The following ZBTB20 variants were observed in gnomAD, a reference collection of about 807,000 sequenced individuals.
ZBTB20 encodes the protein zinc finger and BTB domain containing 20, also known as zinc finger and BTB domain-containing protein 20.
In ZBTB20, 9 loss-of-function variants were observed where a neutral mutation model predicts 56.9. The observed-to-expected ratio is 0.16, with a 90% CI of 0.10 to 0.28. The LOEUF (loss-of-function observed/expected upper bound fraction) is 0.28. ZBTB20 is among the 10% of genes least tolerant of loss of function. The pLI is 1.00. For synonymous variants in ZBTB20, 417 were observed against 420.7 expected (o/e 0.99, Z 0.11); for missense variants, 655 against 1,003.0 (o/e 0.65, Z 4.69).
intron 5 of ZBTB20, among the ~76,000 whole-genome samples, chr3:114,712,132 C>T (rs2108443659): frequency 6.6e-6 from 1 of 152,198 alleles, no homozygotes; most frequent in East Asian, 1.9e-4. Context: ...GAAAATCATG[C>T]CAGCTAACAT....
At chr3:114,626,104 A>G (rs191132310) in intron 6 of ZBTB20, among the ~76,000 whole-genome samples, 2 of 152,226 alleles carry the variant, frequency 1.3e-5, no homozygotes, top group Non-Finnish European at 2.9e-5. Flanking sequence ...GAACACGAGT[A>G]AAATATTTCT....
intron 6 of ZBTB20, among the ~76,000 whole-genome samples, chr3:114,579,822 A>T (rs1293358646): frequency 2.0e-5 from 3 of 151,466 alleles, no homozygotes; most frequent in African/African-American, 4.8e-5. Context: ...AACTGTATTT[A>T]AAAAAAATAA....
intron 5 of ZBTB20, among the ~76,000 whole-genome samples, chr3:114,789,654 T>A (rs2070796320): frequency 1.3e-5 from 2 of 151,872 alleles, no homozygotes; most frequent in South Asian, 4.2e-4. Context: ...TAGCAAAAGA[T>A]CCACTCAAGC....
At chr3:114,594,353 G>A (rs766321208) in intron 6 of ZBTB20, among the ~76,000 whole-genome samples, 1 of 146,542 alleles carries the variant, frequency 6.8e-6, no homozygotes, top group African/African-American at 2.5e-5. Context: ...TGCAACCTCC[G>A]CCGCCCGGGT....
Position 114,973,759 on chromosome 3 carries a change from A to G in ZBTB20, c.-456+607T>C, listed in dbSNP as rs113189127. On this transcript the variant is annotated intron_variant, in intron 3 of 11. Transcript: ENST00000675478. ...TGGAAAATCTAACCATGCATGTAAG[A>G]AGAAAAGTAATTACAGCCCCCTCTT... Among the ~76,000 whole-genome samples the G allele has an allele frequency of 4.2e-3, 635 of 152,220 alleles. 6 individuals carry two copies. The highest frequency in any genetic ancestry group is 0.014 in the African/African-American group (593 of 41,538).
chr3:114,642,312 TCTTTTAAAATGCA>T (rs1297962248), intron 6 of ZBTB20, among the ~76,000 whole-genome samples: 1 of 152,044 alleles, frequency 6.6e-6, no homozygotes, highest in East Asian at 1.9e-4. Context: ...AACAAGCCCC[TCTTTTAAAATGCA>T]AATTTGCCTT....
intron 5 of ZBTB20, among the ~76,000 whole-genome samples, chr3:114,790,583 C>T (rs1309877853): frequency 6.6e-6 from 1 of 151,442 alleles, no homozygotes; most frequent in Non-Finnish European, 1.5e-5. Context: ...TTCAAGAAAT[C>T]AGTATACTTT....
intron 5 of ZBTB20, among the ~76,000 whole-genome samples, chr3:114,748,343 TTC>T (rs2067266352): frequency 2.1e-5 from 2 of 96,828 alleles, no homozygotes; most frequent in African/African-American, 7.7e-5. Flanking sequence ...TCTTCTTTCT[TTC>T]TTTCTTTTCT....
intron 5 of ZBTB20, among the ~76,000 whole-genome samples, chr3:114,792,919 A>C (rs190001109): frequency 7.2e-6 from 1 of 139,034 alleles, no homozygotes; most frequent in Non-Finnish European, 1.5e-5. Flanking sequence ...TTTGTTGCCC[A>C]GGCTGGAGTG....
At chr3:114,548,103 T>C (rs2050118249) in intron 6 of ZBTB20, among the ~76,000 whole-genome samples, 1 of 152,248 alleles carries the variant, frequency 6.6e-6, no homozygotes, top group African/African-American at 2.4e-5. Context: ...TAGAAGGCCA[T>C]GTGTTTCTCT....
chr3:114,715,919 T>C (rs943802630), intron 5 of ZBTB20, among the ~76,000 whole-genome samples: 1 of 152,230 alleles, frequency 6.6e-6, no homozygotes, highest in African/African-American at 2.4e-5. Flanking sequence ...TCTGAGCAAC[T>C]AGAGGCTTTA....
At chr3:114,540,264 C>T (rs561630300) in intron 6 of ZBTB20, among the ~76,000 whole-genome samples, 30 of 152,122 alleles carry the variant, frequency 2.0e-4, no homozygotes, top group African/African-American at 7.0e-4. Context: ...AGAATATTAT[C>T]AACACCTCTG....
intron 5 of ZBTB20, among the ~76,000 whole-genome samples, chr3:114,756,779 C>T (rs1171829452): frequency 2.0e-5 from 3 of 152,096 alleles, no homozygotes; most frequent in Non-Finnish European, 4.4e-5. Context: ...TGTGGAAGAA[C>T]TCTAATTGAG....
At chr3:114,790,591 T>A (rs1178920922) in intron 5 of ZBTB20, among the ~76,000 whole-genome samples, 1 of 141,374 alleles carries the variant, frequency 7.1e-6, no homozygotes, top group Non-Finnish European at 1.5e-5. Flanking sequence ...ATCAGTATAC[T>A]TTTTTTTTTT....
At chr3:114,615,887 C>T (rs1042640769) in intron 6 of ZBTB20, among the ~76,000 whole-genome samples, 1 of 152,182 alleles carries the variant, frequency 6.6e-6, no homozygotes, top group South Asian at 2.1e-4. Context: ...TTGCAGTTTA[C>T]GATGTCAATA....
chr3:114,705,779 A>C lies in ZBTB20; in HGVS notation c.-342-12204T>G, dbSNP rs373644269. Among the ~76,000 whole-genome samples the C allele has an allele frequency of 2.3e-3, 349 of 152,318 alleles. 1 individual carries two copies. The highest frequency in any genetic ancestry group is 7.6e-3 in the African/African-American group (318 of 41,574). ...GAGGAATTTTACACTTTGGCCAGCT[A>C]ACCCAGAACCCAGCACTGGGAGATG... On this transcript the variant is annotated intron_variant, in intron 5 of 11. Coordinates refer to ENST00000675478, the MANE Select transcript of ZBTB20 (RefSeq NM_001348800.3).
In ZBTB20 at chr3:114,897,189, A is replaced by T. The variant is rs191114791; in HGVS notation, c.-417+3115T>A. ...AAACAAGGGAACAGAAACATTAGGT[A>T]ACTTGATTGAGACCATACTAATAAT... On this transcript the variant is annotated intron_variant, in intron 4 of 11. Transcript: ENST00000675478. Among the ~76,000 whole-genome samples, 345 of 152,284 alleles carry T rather than the reference A, an allele frequency of 2.3e-3. 2 individuals are homozygous for T. The highest frequency in any genetic ancestry group is 3.8e-3 in the Non-Finnish European group (257 of 67,998).
chr3:114,782,025 TG>T (rs2070141790), intron 5 of ZBTB20, among the ~76,000 whole-genome samples: 1 of 151,902 alleles, frequency 6.6e-6, no homozygotes, highest in South Asian at 2.1e-4. Flanking sequence ...AAGGAGAAAA[TG>T]GGGGAGCAGA....
Position 114,803,850 on chromosome 3 carries a change from A to C in ZBTB20, c.-416-2676T>G, listed in dbSNP as rs931115455. Among the ~76,000 whole-genome samples, 3 of 149,644 alleles carry C rather than the reference A, an allele frequency of 2.0e-5. No homozygotes were observed. In the East Asian group the frequency reaches 5.9e-4, roughly 29 times the overall value. ...CCACCTTTAAAATAGATTTCAGAGT[A>C]TGTGTCATCAATAAGAAAACTTGTT... On this transcript the variant is annotated intron_variant, in intron 4 of 11. Transcript: ENST00000675478.
Sources: allele counts gnomAD v4.1 joint callset (sites outside exome capture counted in the v4.1 genomes callset), GRCh38; gene constraint gnomAD v4.1.1; transcripts MANE v1.5; gene names NCBI Gene and HGNC (gene_info 2026-07-23, HGNC 2026-07-21).